Variants in LARGE1 observed in about 807,000 individuals in gnomAD.
The protein encoded by LARGE1 is xylosyl- and glucuronyltransferase LARGE1.
A neutral mutation model predicts 87.6 loss-of-function variants in LARGE1; 43 were observed. That is an observed-to-expected ratio of 0.49 (90% CI 0.38 to 0.63). The LOEUF (loss-of-function observed/expected upper bound fraction) is 0.63. LARGE1 is among the 30% of genes least tolerant of loss of function. The pLI is 0.00. For missense variants in LARGE1, 802 were observed against 1,000.2 expected (o/e 0.80, Z 2.67); for synonymous variants, 434 against 394.6 (o/e 1.10, Z -1.18).
chr22:33,756,687 A>C (rs1362277890), intron 2 of LARGE1, among the ~76,000 whole-genome samples: 1 of 152,172 alleles, frequency 6.6e-6, no homozygotes, highest in Non-Finnish European at 1.5e-5. Flanking sequence ...GGTGGGGATT[A>C]GGGGATGGGC....
chr22:33,446,020 CAGAATT>C (rs1224049982), intron 6 of LARGE1, among the ~76,000 whole-genome samples: 2 of 152,186 alleles, frequency 1.3e-5, no homozygotes, highest in Non-Finnish European at 2.9e-5. Flanking sequence ...AGTAACAAGG[CAGAATT>C]AGAGGGTTGG....
chr22:33,130,268 A>C, the LARGE1 span, among the ~76,000 whole-genome samples: 77 of 142,018 alleles, frequency 5.4e-4, no homozygotes, highest in African/African-American at 1.8e-3. Context: ...GAGCCGAGAC[A>C]GCGCCACTGC....
intron 11 of LARGE1, among the ~76,000 whole-genome samples, chr22:33,192,079 C>G (rs1923811791): frequency 6.6e-6 from 1 of 152,118 alleles, no homozygotes; most frequent in Non-Finnish European, 1.5e-5. Flanking sequence ...TTTTCATTTT[C>G]TCTTCTGATT....
intron 1 of LARGE1, among the ~76,000 whole-genome samples, chr22:33,766,922 AT>A (rs2084921905): frequency 1.7e-4 from 1 of 5,834 alleles, no homozygotes; most frequent in South Asian, 6.0e-3. Context: ...ACATATATAT[AT>A]ATATATATAT....
chr22:33,134,404 G>A, the LARGE1 span, among the ~76,000 whole-genome samples: 7 of 151,842 alleles, frequency 4.6e-5, no homozygotes, highest in Non-Finnish European at 8.8e-5. Flanking sequence ...GACTACAAGC[G>A]CCCGCCACCA....
intron 9 of LARGE1, among the ~76,000 whole-genome samples, chr22:33,338,410 T>C (rs2032474): frequency 0.47 from 71,522 of 151,804 alleles, 18,498 homozygotes; most frequent in African/African-American, 0.7. Context: ...CTGGAATCGG[T>C]TGGTGATGCC....
At chr22:33,120,392 T>TTCTTTC in the LARGE1 span, among the ~76,000 whole-genome samples, 5 of 97,750 alleles carry the variant, frequency 5.1e-5, no homozygotes, top group Non-Finnish European at 7.8e-5. Flanking sequence ...CTTTCTTTCT[T>TTCTTTC]TCTTTCTTTC....
At chr22:33,181,894 G>A (rs973863580) in intron 11 of LARGE1, among the ~76,000 whole-genome samples, 5 of 137,940 alleles carry the variant, frequency 3.6e-5, no homozygotes, top group East Asian at 2.2e-4. Flanking sequence ...GCAGTGGCAC[G>A]ATCTCGGCCG....
Position 33,240,763 on chromosome 22 carries a change from G to A in LARGE1, c.1730+63466C>T, listed in dbSNP as rs114262427. On this transcript the variant is annotated intron_variant, in intron 11 of 11. Coordinates refer to the LARGE1 transcript ENST00000608642. ...TTGGACATTCTTATATATGGATCCC[G>A]TGGTCATCAACTTTAAGAACTCTTT... Among the ~76,000 whole-genome samples the A allele has an allele frequency of 3.4e-3, 522 of 152,244 alleles. 3 individuals are homozygous for A. The highest frequency in any genetic ancestry group is 0.012 in the African/African-American group (503 of 41,540).
chr22:33,724,334 G>A (rs1429141344), intron 2 of LARGE1: 1 of 152,504 alleles, frequency 6.6e-6, no homozygotes, highest in Non-Finnish European at 1.5e-5. Flanking sequence ...GCATGAGACA[G>A]GGGTGAAAAG....
chr22:33,639,648 C>G (rs2080369594), intron 3 of LARGE1, among the ~76,000 whole-genome samples: 1 of 152,144 alleles, frequency 6.6e-6, no homozygotes, highest in South Asian at 2.1e-4. Context: ...AGGAAAGTCT[C>G]CTGTTCAGGA....
intron 5 of LARGE1, among the ~76,000 whole-genome samples, chr22:33,593,887 G>A (rs1361914661): frequency 6.6e-6 from 1 of 152,056 alleles, no homozygotes; most frequent in Non-Finnish European, 1.5e-5. Context: ...TATTTCCATC[G>A]GGTAGCGCTG....
At chr22:33,712,631 G>A (rs919049408) in intron 2 of LARGE1, among the ~76,000 whole-genome samples, 9 of 141,052 alleles carry the variant, frequency 6.4e-5, no homozygotes, top group Admixed American at 1.5e-4. Flanking sequence ...GAGGGGTGAG[G>A]GGTACAGTGT....
chr22:33,706,017 C>G (rs1159568897), intron 2 of LARGE1, among the ~76,000 whole-genome samples: 1 of 152,166 alleles, frequency 6.6e-6, no homozygotes, highest in Non-Finnish European at 1.5e-5. Context: ...AAAACACATC[C>G]ATCAATAAAT....
intron 9 of LARGE1, among the ~76,000 whole-genome samples, chr22:33,369,470 C>T (rs1008511623): frequency 6.6e-6 from 1 of 152,040 alleles, no homozygotes; most frequent in African/African-American, 2.4e-5. Context: ...TTTTTTTTCC[C>T]CAAATTAAGA....
At chr22:33,394,675 T>C (rs965149951) in intron 7 of LARGE1, among the ~76,000 whole-genome samples, 1 of 151,462 alleles carries the variant, frequency 6.6e-6, no homozygotes, top group Non-Finnish European at 1.5e-5. Context: ...GTCTCAACCA[T>C]ACCATGTGGT....
At chr22:33,206,781 G>A (rs1924710341) in intron 11 of LARGE1, among the ~76,000 whole-genome samples, 1 of 152,178 alleles carries the variant, frequency 6.6e-6, no homozygotes, top group African/African-American at 2.4e-5. Context: ...GAACAATCAT[G>A]TACTTGGTGG....
rs78775519 is a variant in LARGE1, at chr22:33,470,260, T to C, written c.788-37995A>G. ...CCTCATGACATGTAATTTACTTATATCACAAACCTACACATGTACCCCTGA... is the reference window on the plus strand; with the variant it reads ...CCTCATGACATGTAATTTACTTATACCACAAACCTACACATGTACCCCTGA... On this transcript the variant is annotated intron_variant, in intron 6 of 14. Coordinates refer to ENST00000397394, the MANE Select transcript of LARGE1 (RefSeq NM_133642.5). Among the ~76,000 whole-genome samples the C allele has an allele frequency of 2.4e-3, 359 of 152,188 alleles. 1 individual carries two copies. Among genetic ancestry groups the C allele is most frequent in the Non-Finnish European group, 4.0e-3 (272 of 68,004 alleles).
At chr22:33,313,052 G>A (rs1386183753) in intron 11 of LARGE1, among the ~76,000 whole-genome samples, 1 of 152,098 alleles carries the variant, frequency 6.6e-6, no homozygotes, top group Non-Finnish European at 1.5e-5. Context: ...ATTTGAGCTG[G>A]AAGGGCTGGC....
Sources: allele counts gnomAD v4.1 joint callset (sites outside exome capture counted in the v4.1 genomes callset), GRCh38; gene constraint gnomAD v4.1.1; transcripts MANE v1.5; gene names NCBI Gene and HGNC (gene_info 2026-07-23, HGNC 2026-07-21).